The following ZNF385D variants were observed in gnomAD, a reference collection of about 807,000 sequenced individuals.
The protein encoded by ZNF385D is zinc finger protein 659.
A neutral mutation model predicts 35.8 loss-of-function variants in ZNF385D; 15 were observed. The ratio of observed to expected loss-of-function variants is 0.42; its 90% CI spans 0.28 to 0.64. The LOEUF (loss-of-function observed/expected upper bound fraction) is 0.64, where lower values mean the gene tolerates loss of function less well. Ranked by LOEUF, ZNF385D falls within the 30% of genes least tolerant of loss-of-function variation. ZNF385D has a pLI of 0.23. For missense variants in ZNF385D, 474 were observed against 494.6 expected, an observed-to-expected ratio of 0.96 and a Z score of 0.39; for synonymous variants, 212 against 186.8, an observed-to-expected ratio of 1.13 and a Z score of -1.10.
chr3:22,008,756 G>A (rs936626099), intron 3 of ZNF385D, among the ~76,000 whole-genome samples: 2 of 146,456 alleles, frequency 1.4e-5, no homozygotes, highest in South Asian at 2.1e-4. Context: ...CACACACTGT[G>A]AGTAACAAGG....
At chr3:22,222,729 T>A (rs765179290) in intron 2 of ZNF385D, among the ~76,000 whole-genome samples, 20 of 152,216 alleles carry the variant, frequency 1.3e-4, no homozygotes, top group Admixed American at 2.6e-4. Context: ...AAAGTGCTTT[T>A]GAAAATTATA....
intron 3 of ZNF385D, among the ~76,000 whole-genome samples, chr3:22,044,513 G>A (rs1698865382): frequency 6.6e-6 from 1 of 152,082 alleles, no homozygotes; most frequent in South Asian, 2.1e-4. Context: ...TTTTAATACT[G>A]AGAAGAGCAA....
At chr3:21,594,956 T>C (rs549578226) in intron 2 of ZNF385D, among the ~76,000 whole-genome samples, 7 of 152,202 alleles carry the variant, frequency 4.6e-5, no homozygotes, top group Non-Finnish European at 1.0e-4. Flanking sequence ...ACTGCGCATT[T>C]GCTATCACAG....
chr3:21,674,106 G>A (rs2066653376), intron 1 of ZNF385D, among the ~76,000 whole-genome samples: 1 of 152,082 alleles, frequency 6.6e-6, no homozygotes, highest in Non-Finnish European at 1.5e-5. Flanking sequence ...AGTGGGGCTG[G>A]GCAAAAGGGA....
chr3:22,278,102 A>G (rs1264318221), intron 2 of ZNF385D, among the ~76,000 whole-genome samples: 3 of 152,074 alleles, frequency 2.0e-5, no homozygotes, highest in Non-Finnish European at 4.4e-5. Flanking sequence ...ACACTGCATC[A>G]CTTGCTTAGT....
chr3:21,812,404 T>G (rs1484094943), intron 3 of ZNF385D, among the ~76,000 whole-genome samples: 1 of 152,224 alleles, frequency 6.6e-6, no homozygotes, highest in Non-Finnish European at 1.5e-5. Context: ...GGGCACCGCC[T>G]CACCTCAGAA....
At chr3:22,203,051 T>C (rs1045222666) in intron 2 of ZNF385D, among the ~76,000 whole-genome samples, 3 of 152,026 alleles carry the variant, frequency 2.0e-5, no homozygotes, top group African/African-American at 7.2e-5. Flanking sequence ...TAGGGAGACA[T>C]CATCTGGGTG....
intron 2 of ZNF385D, among the ~76,000 whole-genome samples, chr3:22,227,971 G>C (rs1698659121): frequency 6.6e-6 from 1 of 152,074 alleles, no homozygotes; most frequent in African/African-American, 2.4e-5. Context: ...GCTCACCCTT[G>C]AATTCTTTCC....
At chr3:21,818,718 T>C (rs2073267728) in intron 3 of ZNF385D, among the ~76,000 whole-genome samples, 1 of 152,094 alleles carries the variant, frequency 6.6e-6, no homozygotes, top group Non-Finnish European at 1.5e-5. Flanking sequence ...ATGGCCTCTA[T>C]TAGGTCATAT....
chr3:21,953,753 C>T (rs557466224), intron 3 of ZNF385D, among the ~76,000 whole-genome samples: 28 of 151,978 alleles, frequency 1.8e-4, no homozygotes, highest in East Asian at 7.7e-4. Context: ...AAATATGATG[C>T]CTGAGAGAGT....
At chr3:21,771,462 T>C (rs554986760) in intron 3 of ZNF385D, among the ~76,000 whole-genome samples, 4 of 151,842 alleles carry the variant, frequency 2.6e-5, no homozygotes, top group Non-Finnish European at 5.9e-5. Flanking sequence ...TAAAAAGGAA[T>C]AGAAATGTAT....
intron 4 of ZNF385D, among the ~76,000 whole-genome samples, chr3:21,475,871 T>C (rs180804938): frequency 1.3e-3 from 201 of 152,160 alleles, no homozygotes; most frequent in African/African-American, 4.7e-3. Context: ...GTATTTATGG[T>C]TTGATATAAA....
chr3:22,086,170 C>A (rs1701029141), intron 3 of ZNF385D, among the ~76,000 whole-genome samples: 1 of 152,170 alleles, frequency 6.6e-6, no homozygotes, highest in African/African-American at 2.4e-5. Context: ...TCTCACCACT[C>A]CTATTCAACA....
At chr3:22,056,688 T>A (rs1312067525) in intron 3 of ZNF385D, among the ~76,000 whole-genome samples, 1 of 152,244 alleles carries the variant, frequency 6.6e-6, no homozygotes, top group Non-Finnish European at 1.5e-5. Context: ...ATTGCCATAA[T>A]AATGCTGTGT....
At position 21,419,234 on chromosome 3, in the gene ZNF385D, T is replaced by A. The variant is rs202016596; in HGVS notation, c.*1980A>T. The A allele has an allele frequency of 6.6e-6, 1 of 152,452 alleles. No individual in the cohort carries two copies. The allele number at this position is 152,452 out of a possible 1,614,324, so 9.4% of individuals were successfully genotyped here. On this transcript the variant is annotated 3_prime_UTR_variant, in exon 8 of 8. Transcript: ENST00000281523. ...CCATTCTTCCTTCCTTCCTTCCTTCTTTCCTTCTTTTTTTTTGTTTTTGTT... is the reference window on the plus strand; with the variant it reads ...CCATTCTTCCTTCCTTCCTTCCTTCATTCCTTCTTTTTTTTTGTTTTTGTT...
At chr3:22,164,247 T>TTTTTG (rs1348547943) in intron 3 of ZNF385D, among the ~76,000 whole-genome samples, 16 of 93,482 alleles carry the variant, frequency 1.7e-4, no homozygotes, top group African/African-American at 9.0e-4. Flanking sequence ...TTTTTTTTTT[T>TTTTTG]GAGACGGGGT....
At chr3:22,031,167 A>C (rs1326500740) in intron 3 of ZNF385D, among the ~76,000 whole-genome samples, 1 of 152,190 alleles carries the variant, frequency 6.6e-6, no homozygotes, top group Non-Finnish European at 1.5e-5. Flanking sequence ...TTCCAAGTGC[A>C]AGGTGAAAGC....
chr3:22,132,895 G>C (rs1182063644), intron 3 of ZNF385D, among the ~76,000 whole-genome samples: 1 of 151,992 alleles, frequency 6.6e-6, no homozygotes, highest in Non-Finnish European at 1.5e-5. Context: ...ACCCAACCAA[G>C]TTATTCACTG....
intron 2 of ZNF385D, among the ~76,000 whole-genome samples, chr3:22,205,240 AT>A (rs1248701265): frequency 1.3e-5 from 2 of 151,962 alleles, no homozygotes; most frequent in Non-Finnish European, 2.9e-5. Context: ...AGGAAAAAAT[AT>A]TTTATCCTAG....
Sources: allele counts gnomAD v4.1 joint callset (sites outside exome capture counted in the v4.1 genomes callset), GRCh38; gene constraint gnomAD v4.1.1; transcripts MANE v1.5; gene names NCBI Gene and HGNC (gene_info 2026-07-23, HGNC 2026-07-21).